KLHL6: variants seen among roughly 807,000 people sequenced by gnomAD.
KLHL6 encodes the protein kelch like family member 6, also known as kelch-like protein 6.
Under a neutral mutation model 58.6 loss-of-function variants are expected in KLHL6, and 41 were observed. That is an observed-to-expected ratio of 0.70 (90% CI 0.55 to 0.91). The LOEUF (loss-of-function observed/expected upper bound fraction) is 0.91, where lower values mean the gene tolerates loss of function less well. KLHL6 is among the 40% of genes least tolerant of loss of function. KLHL6 has a pLI of 0.00. For missense variants in KLHL6, 714 were observed against 805.6 expected, an observed-to-expected ratio of 0.89 and a Z score of 1.38; for synonymous variants, 338 against 322.7, an observed-to-expected ratio of 1.05 and a Z score of -0.51.
chr3:183,547,716 A>T (rs1712771950), intron 1 of KLHL6, among the ~76,000 whole-genome samples: 1 of 152,168 alleles, frequency 6.6e-6, no homozygotes, highest in Non-Finnish European at 1.5e-5. Flanking sequence ...ACATTTTTTC[A>T]GGCACTTTGC....
chr3:183,500,096 C>T (rs1717830994), intron 3 of KLHL6, among the ~76,000 whole-genome samples: 1 of 152,198 alleles, frequency 6.6e-6, no homozygotes, highest in Non-Finnish European at 1.5e-5. Flanking sequence ...TACATGTTGC[C>T]TGTTTTTGCT....
intron 3 of KLHL6, among the ~76,000 whole-genome samples, chr3:183,501,506 C>T (rs1464041419): frequency 6.6e-6 from 1 of 152,176 alleles, no homozygotes; most frequent in East Asian, 1.9e-4. Flanking sequence ...GCCTCCACTC[C>T]GAAGCTCCCC....
intron 1 of KLHL6, among the ~76,000 whole-genome samples, chr3:183,547,495 C>A (rs529522931): frequency 6.6e-6 from 1 of 152,234 alleles, no homozygotes; most frequent in Non-Finnish European, 1.5e-5. Flanking sequence ...TCTTGCTTTG[C>A]CCCCTGTTTT....
chr3:183,531,455 T>TTTTG (rs1712160343), intron 1 of KLHL6, among the ~76,000 whole-genome samples: 1 of 138,094 alleles, frequency 7.2e-6, no homozygotes, highest in African/African-American at 2.7e-5. Flanking sequence ...TTTTTTTTTT[T>TTTTG]TTTTTTTTTT....
At chr3:183,516,951 C>T (rs1711588547) in intron 2 of KLHL6, among the ~76,000 whole-genome samples, 2 of 152,078 alleles carry the variant, frequency 1.3e-5, no homozygotes, top group Non-Finnish European at 1.5e-5. Context: ...ATGCTGTCAC[C>T]CAGGCTGGAG....
Position 183,491,595 on chromosome 3 carries a change from T to C in KLHL6, c.*332A>G, listed in dbSNP as rs1461386405. On this transcript the variant is annotated 3_prime_UTR_variant, in exon 7 of 7. Coordinates refer to ENST00000341319, the MANE Select transcript of KLHL6 (RefSeq NM_130446.4). Reference sequence around the variant, plus strand: ...CTGTGAAACTTGGTTCCCTCACCTGTAAACTAGAAGTGATAAGAGCCAGTC... The same window carrying C: ...CTGTGAAACTTGGTTCCCTCACCTGCAAACTAGAAGTGATAAGAGCCAGTC... 1 of 232,434 alleles carries C rather than the reference T, an allele frequency of 4.3e-6. No individual in the cohort carries two copies. Among genetic ancestry groups the C allele is most frequent in the East Asian group, 8.5e-5 (1 of 11,732 alleles). 14.4% of individuals were successfully genotyped at this position (232,434 alleles called of 1,614,324 possible).
chr3:183,507,853 G>T (rs1404510603), intron 3 of KLHL6, among the ~76,000 whole-genome samples: 1 of 152,118 alleles, frequency 6.6e-6, no homozygotes, highest in Non-Finnish European at 1.5e-5. Flanking sequence ...CACCTAACGC[G>T]CTCAGTAACT....
intron 1 of KLHL6, among the ~76,000 whole-genome samples, chr3:183,537,054 A>G (rs555684811): frequency 3.3e-5 from 5 of 152,166 alleles, no homozygotes; most frequent in Non-Finnish European, 5.9e-5. Flanking sequence ...TCTGCCACTT[A>G]AATACACTAC....
chr3:183,527,751 G>A (rs1712023565), intron 2 of KLHL6, 94 bp downstream of exon 2: 3 of 1,055,156 alleles, frequency 2.8e-6, no homozygotes, highest in African/African-American at 1.6e-5. Context: ...CATGTCCCAG[G>A]TACAGGCCTG....
intron 2 of KLHL6, among the ~76,000 whole-genome samples, chr3:183,517,602 T>C (rs1005156651): frequency 1.3e-5 from 2 of 152,128 alleles, no homozygotes; most frequent in Non-Finnish European, 2.9e-5. Flanking sequence ...CTGAGGCAAC[T>C]GTGGAAGTGG....
chr3:183,509,325 AT>A (rs1162968847), intron 2 of KLHL6, among the ~76,000 whole-genome samples: 1 of 152,204 alleles, frequency 6.6e-6, no homozygotes, highest in Admixed American at 6.5e-5. Context: ...AAGAATCCTT[AT>A]TTTTTAGAGC....
chr3:183,520,142 T>C (rs1211970906), intron 2 of KLHL6: 1 of 152,126 alleles, frequency 6.6e-6, no homozygotes, highest in Non-Finnish European at 1.5e-5. Flanking sequence ...CCAGGGCTGT[T>C]GTCAATGTTG....
At chr3:183,533,301 CTTCT>C (rs1002007434) in intron 1 of KLHL6, among the ~76,000 whole-genome samples, 7 of 150,530 alleles carry the variant, frequency 4.7e-5, no homozygotes, top group African/African-American at 7.4e-5. Flanking sequence ...CTCTTTCTTT[CTTCT>C]TTCTTTCTCT....
At chr3:183,528,031 T>C in intron 1 of KLHL6, 21 bp from the exon 2 acceptor site, 1 of 1,613,864 alleles carries the variant, frequency 6.2e-7, no homozygotes, top group African/African-American at 1.3e-5. Context: ...AATGTGTGAA[T>C]GTGAATCGTG....
intron 2 of KLHL6, among the ~76,000 whole-genome samples, chr3:183,518,388 G>C (rs1437412056): frequency 6.6e-6 from 1 of 152,002 alleles, no homozygotes; most frequent in African/African-American, 2.4e-5. Context: ...GGACAAAATT[G>C]CTACAAAAAT....
intron 4 of KLHL6, among the ~76,000 whole-genome samples, chr3:183,495,064 C>A (rs1388996681): frequency 6.6e-6 from 1 of 152,316 alleles, no homozygotes; most frequent in Non-Finnish European, 1.5e-5. Flanking sequence ...TAGACTACCA[C>A]CAACTACTTA....
chr3:183,525,676 A>G (rs1447209151), intron 2 of KLHL6, among the ~76,000 whole-genome samples: 1 of 152,216 alleles, frequency 6.6e-6, no homozygotes, highest in Non-Finnish European at 1.5e-5. Flanking sequence ...TCTGCCTTAT[A>G]AGAGATCATT....
chr3:183,539,481 T>G (rs1483182385), intron 1 of KLHL6, among the ~76,000 whole-genome samples: 2 of 152,128 alleles, frequency 1.3e-5, no homozygotes, highest in East Asian at 3.9e-4. Context: ...ATGCCGAGGC[T>G]GGCAGATCTC....
chr3:183,491,900 G>A lies in KLHL6; in HGVS notation c.*27C>T. Reference sequence around the variant, plus strand: ...TGAGGCGGGTACGCTGAGGGTCGGGGGGGCTCTCCAGCTCCCCATCCTGCC... The same window carrying A: ...TGAGGCGGGTACGCTGAGGGTCGGGAGGGCTCTCCAGCTCCCCATCCTGCC... On this transcript the variant is annotated 3_prime_UTR_variant, in exon 7 of 7. Coordinates refer to ENST00000341319, the MANE Select transcript of KLHL6 (RefSeq NM_130446.4). 6 of 1,458,852 alleles carry A rather than the reference G, an allele frequency of 4.1e-6. No homozygotes were observed. The highest frequency in any genetic ancestry group is 3.0e-5 in the South Asian group (2 of 67,576). The allele number at this position is 1,458,852 out of a possible 1,614,324, so 90.4% of individuals were successfully genotyped here.
Sources: gnomAD v4.1 joint callset for allele counts (sites outside exome capture counted in the v4.1 genomes callset) on GRCh38, gnomAD v4.1.1 for gene constraint, MANE v1.5 for transcripts, NCBI Gene and HGNC (gene_info 2026-07-23, HGNC 2026-07-21) for gene names.